KIAA1217: variants seen among roughly 807,000 people sequenced by gnomAD.
The protein encoded by KIAA1217 is KIAA1217.
In KIAA1217, 88 loss-of-function variants were observed where a neutral mutation model predicts 163.9. That is an observed-to-expected ratio of 0.54 (90% CI 0.45 to 0.64). The LOEUF (loss-of-function observed/expected upper bound fraction) is 0.64. Ranked by LOEUF, KIAA1217 falls within the 30% of genes least tolerant of loss-of-function variation. The pLI is 0.00. For missense variants in KIAA1217, 2,372 were observed against 2,475.0 expected (o/e 0.96, Z 0.88); for synonymous variants, 903 against 923.1 (o/e 0.98, Z 0.39).
At chr10:24,141,950 T>C (rs1045741680) in intron 2 of KIAA1217, among the ~76,000 whole-genome samples, 25 of 152,174 alleles carry the variant, frequency 1.6e-4, no homozygotes, top group African/African-American at 6.0e-4. Context: ...ATTTTTGTTG[T>C]TTATAAGCTA....
Position 24,526,798 on chromosome 10 carries a change from G to A in KIAA1217, c.2899-1138G>A, listed in dbSNP as rs144304433. Among the ~76,000 whole-genome samples, 351 of 152,106 alleles carry A rather than the reference G, an allele frequency of 2.3e-3. 2 individuals are homozygous for A. Among genetic ancestry groups the A allele is most frequent in the African/African-American group, 8.2e-3 (340 of 41,520 alleles). ...ACTTACCTACTTGTAGGAAGAGACA[G>A]AAAAAAAGTATATGCCAGGTGGTAA... On this transcript the variant is annotated intron_variant, in intron 13 of 20. Coordinates refer to ENST00000376454, the MANE Select transcript of KIAA1217 (RefSeq NM_019590.5).
chr10:24,346,568 C>CTTTTTT lies in KIAA1217; in HGVS notation c.355-34286_355-34281dup, dbSNP rs1177259021. On this transcript the variant is annotated intron_variant, in intron 2 of 20. Transcript: ENST00000376454. Reference sequence around the variant, plus strand: ...TTTGGTATTTTGGGTTTTGTTGGCCCTTTTTTTTTTTTTTTTTTTTGGAGG... The same window carrying CTTTTTT: ...TTTGGTATTTTGGGTTTTGTTGGCCCTTTTTTTTTTTTTTTTTTTTTTTTTTGGAGG... Among the ~76,000 whole-genome samples the CTTTTTT allele has an allele frequency of 4.1e-5, 5 of 121,036 alleles. 1 individual carries two copies. In the East Asian group the frequency reaches 8.2e-4, roughly 20 times the overall value. The allele number at this position is 121,036 out of a possible 152,430, so 79.4% of individuals were successfully genotyped here.
intron 1 of KIAA1217, among the ~76,000 whole-genome samples, chr10:23,732,456 G>A (rs1285416374): frequency 6.6e-6 from 1 of 152,110 alleles, no homozygotes; most frequent in African/African-American, 2.4e-5. Context: ...CATTTGCATT[G>A]TATTAGGTAT....
intron 3 of KIAA1217, among the ~76,000 whole-genome samples, chr10:24,415,995 A>T (rs1181463141): frequency 6.6e-6 from 1 of 152,204 alleles, no homozygotes; most frequent in African/African-American, 2.4e-5. Flanking sequence ...CTAGGAAGGG[A>T]TGATCCGGCT....
chr10:24,090,592 A>G (rs1304212514), intron 2 of KIAA1217, among the ~76,000 whole-genome samples: 1 of 151,466 alleles, frequency 6.6e-6, no homozygotes, highest in African/African-American at 2.4e-5. Flanking sequence ...CTCAAAGAGC[A>G]TTTTTGAGGA....
chr10:23,981,803 G>C (rs1222191471), intron 1 of KIAA1217, among the ~76,000 whole-genome samples: 1 of 151,988 alleles, frequency 6.6e-6, no homozygotes, highest in African/African-American at 2.4e-5. Context: ...TTCATTTCTT[G>C]GGTTTGCTCA....
intron 2 of KIAA1217, among the ~76,000 whole-genome samples, chr10:24,234,894 AG>A (rs2072011486): frequency 6.6e-6 from 1 of 152,144 alleles, no homozygotes; most frequent in African/African-American, 2.4e-5. Flanking sequence ...GCTTGAGTTT[AG>A]GTCTTGACAA....
At chr10:24,522,348 G>C (rs575883792) in intron 12 of KIAA1217, among the ~76,000 whole-genome samples, 1 of 152,104 alleles carries the variant, frequency 6.6e-6, no homozygotes, top group African/African-American at 2.4e-5. Context: ...TCGGAAGGTG[G>C]GTTTTTTAAA....
At chr10:24,191,825 C>G (rs1416107575) in intron 2 of KIAA1217, among the ~76,000 whole-genome samples, 1 of 152,238 alleles carries the variant, frequency 6.6e-6, no homozygotes, top group Non-Finnish European at 1.5e-5. Context: ...GCAACCTCAA[C>G]TCACTGCAAC....
Position 23,799,187 on chromosome 10 carries a change from T to C in KIAA1217, c.-321+103953T>C, listed in dbSNP as rs114773204. Reference sequence around the variant, plus strand: ...TTTTTTACAAGGGCATCAGTCATATTGTATTGAGGCCCAACCCTAACAACT... The same window carrying C: ...TTTTTTACAAGGGCATCAGTCATATCGTATTGAGGCCCAACCCTAACAACT... On this transcript the variant is annotated intron_variant, in intron 1 of 18. Transcript: ENST00000376462. Among the ~76,000 whole-genome samples the C allele has an allele frequency of 4.7e-3, 718 of 152,292 alleles. 2 individuals carry two copies. Among genetic ancestry groups the C allele is most frequent in the African/African-American group, 0.017 (693 of 41,554 alleles).
intron 1 of KIAA1217, among the ~76,000 whole-genome samples, chr10:23,926,692 T>G (rs890870072): frequency 2.0e-5 from 3 of 151,480 alleles, no homozygotes; most frequent in Admixed American, 2.0e-4. Context: ...GCCATTGCAC[T>G]CCAGCCTGGG....
chr10:24,056,578 C>G (rs2060539953), intron 2 of KIAA1217, among the ~76,000 whole-genome samples: 1 of 151,990 alleles, frequency 6.6e-6, no homozygotes, highest in South Asian at 2.1e-4. Flanking sequence ...TGACCATGTA[C>G]CCAGCTACCT....
At chr10:23,878,437 C>T (rs1192218492) in intron 1 of KIAA1217, among the ~76,000 whole-genome samples, 1 of 151,904 alleles carries the variant, frequency 6.6e-6, no homozygotes, top group Non-Finnish European at 1.5e-5. Context: ...TTCAATCATT[C>T]ATTCAGTAAA....
chr10:23,934,577 A>ATGTGTATATATATATGTATATATATATG lies in KIAA1217; in HGVS notation c.-320-72647_-320-72646insGTGTATATATATATGTATATATATATGT, dbSNP rs1302431868. 6.9e-5 allele frequency among the ~76,000 whole-genome samples: 4 copies of ATGTGTATATATATATGTATATATATATG among 57,912 alleles called. No homozygotes were observed. The African/African-American group carries it at 7.2e-4, about 10-fold the overall frequency. The allele number at this position is 57,912 out of a possible 152,430, so 38.0% of individuals were successfully genotyped here. ...TTAAAGTATATATATATATATATAT[A>ATGTGTATATATATATGTATATATATATG]TATATATATATATGTATATATATAT... On this transcript the variant is annotated intron_variant, in intron 1 of 18. Coordinates refer to the KIAA1217 transcript ENST00000376462.
chr10:23,770,323 G>A (rs2130878277), intron 1 of KIAA1217, among the ~76,000 whole-genome samples: 1 of 152,302 alleles, frequency 6.6e-6, no homozygotes, highest in South Asian at 2.1e-4. Context: ...TTGCACATTG[G>A]ATGAAACTTC....
At chr10:24,299,645 T>A (rs2041064360) in intron 2 of KIAA1217, among the ~76,000 whole-genome samples, 1 of 152,150 alleles carries the variant, frequency 6.6e-6, no homozygotes, top group Non-Finnish European at 1.5e-5. Context: ...TGTGATCTTC[T>A]CACCTTGGCC....
At chr10:24,529,856 G>A (rs1467473361) in intron 14 of KIAA1217, among the ~76,000 whole-genome samples, 1 of 148,086 alleles carries the variant, frequency 6.8e-6, no homozygotes, top group African/African-American at 2.5e-5. Context: ...GGAGTTTAGT[G>A]GCATGATCTT....
At position 24,192,534 on chromosome 10, in the gene KIAA1217, C is replaced by T. The variant is rs2130474106; in HGVS notation, c.-170-27092C>T. Among the ~76,000 whole-genome samples, 3 of 152,338 alleles carry T rather than the reference C, an allele frequency of 2.0e-5. No homozygotes were observed. In the East Asian group the frequency reaches 5.8e-4, roughly 29 times the overall value. On this transcript the variant is annotated intron_variant, in intron 2 of 18. Coordinates refer to the KIAA1217 transcript ENST00000376462. ...CATCCCCATAAGGTTAAGTTCATCACATCCCATTTGTTCACAGCCCAGGCT... is the reference window on the plus strand; with the variant it reads ...CATCCCCATAAGGTTAAGTTCATCATATCCCATTTGTTCACAGCCCAGGCT...
intron 3 of KIAA1217, among the ~76,000 whole-genome samples, chr10:24,386,566 T>A (rs1232485799): frequency 2.4e-5 from 1 of 40,934 alleles, no homozygotes; most frequent in Non-Finnish European, 4.0e-5. Context: ...AAATCTATTT[T>A]ATTTATTTAT....
Sources: allele counts gnomAD v4.1 joint callset (sites outside exome capture counted in the v4.1 genomes callset), GRCh38; gene constraint gnomAD v4.1.1; transcripts MANE v1.5; gene names NCBI Gene and HGNC (gene_info 2026-07-23, HGNC 2026-07-21).